The following GRIN2A variants were observed in gnomAD, a reference collection of about 807,000 sequenced individuals.
The protein encoded by GRIN2A is glutamate receptor ionotropic, NMDA 2A.
A neutral mutation model predicts 113.4 loss-of-function variants in GRIN2A; 22 were observed. That is an observed-to-expected ratio of 0.19 (90% CI 0.14 to 0.28). The LOEUF (loss-of-function observed/expected upper bound fraction) is 0.28, where lower values mean the gene tolerates loss of function less well. Among genes scored for constraint, GRIN2A ranks in the 10% least tolerant of loss-of-function variants. GRIN2A has a pLI of 1.00. For missense variants in GRIN2A, 1,502 were observed against 1,887.0 expected, an observed-to-expected ratio of 0.80 and a Z score of 3.78; for synonymous variants, 827 against 738.4, an observed-to-expected ratio of 1.12 and a Z score of -1.94.
At chr16:10,122,762 C>T (rs193225128) in intron 2 of GRIN2A, among the ~76,000 whole-genome samples, 4 of 152,224 alleles carry the variant, frequency 2.6e-5, no homozygotes, top group African/African-American at 9.6e-5. Flanking sequence ...GGGAAATTGA[C>T]GCACGATCAG....
intron 2 of GRIN2A, among the ~76,000 whole-genome samples, chr16:9,972,305 T>C (rs1454413167): frequency 1.3e-5 from 2 of 152,150 alleles, no homozygotes; most frequent in Non-Finnish European, 2.9e-5. Flanking sequence ...ACCCACAATA[T>C]AGCATTCACA....
At chr16:9,770,895 G>A (rs1260765585) in intron 11 of GRIN2A, among the ~76,000 whole-genome samples, 1 of 152,146 alleles carries the variant, frequency 6.6e-6, no homozygotes, top group Admixed American at 6.5e-5. Flanking sequence ...TTAACATCTT[G>A]CATTAGTGTG....
chr16:10,086,836 G>C (rs1299649769), intron 2 of GRIN2A, among the ~76,000 whole-genome samples: 1 of 152,162 alleles, frequency 6.6e-6, no homozygotes, highest in Non-Finnish European at 1.5e-5. Flanking sequence ...TGACACTCAT[G>C]GTAAGCTCTT....
chr16:9,807,904 G>C (rs776306717), intron 10 of GRIN2A, among the ~76,000 whole-genome samples: 5 of 152,188 alleles, frequency 3.3e-5, no homozygotes, highest in Non-Finnish European at 5.9e-5. Flanking sequence ...TTATGCACTG[G>C]TTGAATGAAG....
intron 2 of GRIN2A, among the ~76,000 whole-genome samples, chr16:9,984,766 A>T (rs2045950405): frequency 6.6e-6 from 1 of 152,198 alleles, no homozygotes; most frequent in Non-Finnish European, 1.5e-5. Context: ...ATTTTTATCT[A>T]CATGCTCATT....
Position 9,938,275 on chromosome 16 carries a change from A to C in GRIN2A, c.691T>G (p.Cys231Gly). Residue 231 changes from cysteine to glycine, a missense_variant, in exon 3 of 13, where the codon TGT (cysteine) becomes GGT (glycine). Cys to Gly is a radical substitution (Grantham distance 159). Transcript: ENST00000330684. Reference protein sequence around the residue: ...KIHSSVILLYCSKDEAVLILS... With the variant: ...KIHSSVILLYGSKDEAVLILS... The stretch of plus-strand genomic sequence containing the variant: ...ATGAGAACAGCCTCGTCTTTGGAAC[A>C]GTAGAGCAAGATGACAGAAGAGTGG... 2 of 1,614,144 alleles carry C rather than the reference A, an allele frequency of 1.2e-6. No homozygotes were observed. The highest frequency in any genetic ancestry group is 1.1e-5 in the South Asian group (1 of 91,078).
At position 9,763,540 on chromosome 16, in the gene GRIN2A, T is replaced by C; in HGVS notation, c.4004A>G (p.Lys1335Arg). The C allele has an allele frequency of 1.9e-6, 3 of 1,613,978 alleles. No homozygotes were observed. Among genetic ancestry groups the C allele is most frequent in the Non-Finnish European group, 2.5e-6 (3 of 1,179,960 alleles). The change falls in exon 13 of 13, where the codon AAA (lysine) becomes AGA (arginine). Residue 1335 changes from lysine (K) to arginine (R), a missense_variant. Coordinates refer to ENST00000330684, the MANE Select transcript of GRIN2A (RefSeq NM_001134407.3). The stretch of plus-strand genomic sequence containing the variant: ...AAGGGAGCTTTTTTTCCCCGAGAGT[T>C]TGCTTGAGGGGACACTAAACAGGCT... ...YGSLFSVPSS[K>R]LSGKKSSLFP...
At chr16:9,911,354 A>G (rs2044132859) in intron 3 of GRIN2A, among the ~76,000 whole-genome samples, 2 of 152,202 alleles carry the variant, frequency 1.3e-5, no homozygotes, top group African/African-American at 4.8e-5. Context: ...CATAAAATGA[A>G]TGAAAGGAAC....
intron 2 of GRIN2A, among the ~76,000 whole-genome samples, chr16:9,958,177 T>C (rs2045349062): frequency 6.6e-6 from 1 of 152,228 alleles, no homozygotes; most frequent in Admixed American, 6.5e-5. Context: ...TGGCAATTGA[T>C]GTAAAAGCAT....
chr16:9,887,139 G>A (rs1162482419), intron 4 of GRIN2A, among the ~76,000 whole-genome samples: 1 of 152,044 alleles, frequency 6.6e-6, no homozygotes, highest in Non-Finnish European at 1.5e-5. Flanking sequence ...TGACTGCCTT[G>A]GCCTCCCAAA....
intron 9 of GRIN2A, among the ~76,000 whole-genome samples, chr16:9,822,798 A>C (rs1311362385): frequency 6.6e-6 from 1 of 152,198 alleles, no homozygotes; most frequent in Non-Finnish European, 1.5e-5. Flanking sequence ...AATGAGCTGA[A>C]CTTAAGGTAC....
chr16:9,988,748 C>A (rs2046037331), intron 2 of GRIN2A, among the ~76,000 whole-genome samples: 1 of 152,100 alleles, frequency 6.6e-6, no homozygotes, highest in Non-Finnish European at 1.5e-5. Flanking sequence ...TGGTTAGAAC[C>A]AAGCCAAGAT....
At chr16:9,827,728 G>A (rs928654652) in intron 9 of GRIN2A, among the ~76,000 whole-genome samples, 2 of 152,132 alleles carry the variant, frequency 1.3e-5, no homozygotes, top group Non-Finnish European at 2.9e-5. Context: ...GGCACACAGC[G>A]CTGCAAAAGG....
chr16:10,031,507 C>T (rs2046928400), intron 2 of GRIN2A: 1 of 152,278 alleles, frequency 6.6e-6, no homozygotes, highest in Non-Finnish European at 1.5e-5. Context: ...CGTCATCTCT[C>T]TAAGGCAGGG....
At chr16:9,825,157 G>A (rs2042362660) in intron 9 of GRIN2A, among the ~76,000 whole-genome samples, 1 of 152,188 alleles carries the variant, frequency 6.6e-6, no homozygotes, top group African/African-American at 2.4e-5. Context: ...ACCTGGCTTT[G>A]GACTTACAGG....
chr16:9,939,166 G>A (rs2044793393), intron 2 of GRIN2A, among the ~76,000 whole-genome samples: 1 of 152,128 alleles, frequency 6.6e-6, no homozygotes, highest in Non-Finnish European at 1.5e-5. Flanking sequence ...ACCTTATTAA[G>A]TGTTCTTAAT....
chr16:10,084,808 G>C (rs1004676407), intron 2 of GRIN2A, among the ~76,000 whole-genome samples: 15 of 150,126 alleles, frequency 1.0e-4, no homozygotes, highest in Non-Finnish European at 2.1e-4. Flanking sequence ...CTCCGTAAGG[G>C]TAAAAGGATA....
At chr16:10,084,792 T>C (rs2048054639) in intron 2 of GRIN2A, among the ~76,000 whole-genome samples, 1 of 133,728 alleles carries the variant, frequency 7.5e-6, no homozygotes, top group Non-Finnish European at 1.6e-5. Context: ...ACCTCTGAAA[T>C]GCAAGCTCCG....
In GRIN2A at chr16:9,757,367, T is replaced by C. The variant is rs928597421; in HGVS notation, c.*5782A>G. On this transcript the variant is annotated 3_prime_UTR_variant, in exon 13 of 13. Transcript: ENST00000330684. ...AAGGTTTAGGGAAGGACTTTTTTTT[T>C]TTTTTTAAAAAAGGTATGCTCATAG... is the stretch of plus-strand genomic sequence containing the variant. 4 of 225,634 alleles carry C rather than the reference T, an allele frequency of 1.8e-5. No individual in the cohort carries two copies. The highest frequency in any genetic ancestry group is 8.9e-5 in the African/African-American group (4 of 44,932). The allele number at this position is 225,634 out of a possible 1,614,324, so 14.0% of individuals were successfully genotyped here.
Sources: allele counts gnomAD v4.1 joint callset (sites outside exome capture counted in the v4.1 genomes callset), GRCh38; gene constraint gnomAD v4.1.1; transcripts MANE v1.5; gene names NCBI Gene and HGNC (gene_info 2026-07-23, HGNC 2026-07-21).